DOCK4: variants seen among roughly 807,000 people sequenced by gnomAD.
DOCK4 encodes the protein dedicator of cytokinesis 4.
A neutral mutation model predicts 268.1 loss-of-function variants in DOCK4; 97 were observed. The observed-to-expected ratio is 0.36, with a 90% confidence interval of 0.31 to 0.43. The LOEUF is 0.43. Among genes scored for constraint, DOCK4 ranks in the 20% least tolerant of loss-of-function variants. DOCK4 has a pLI of 1.00. For synonymous variants in DOCK4, 954 were observed against 887.2 expected (o/e 1.08, Z -1.34); for missense variants, 2,145 against 2,455.7 (o/e 0.87, Z 2.67).
chr7:111,937,435 C>T (rs1794829442), intron 11 of DOCK4, among the ~76,000 whole-genome samples: 1 of 152,154 alleles, frequency 6.6e-6, no homozygotes, highest in Admixed American at 6.5e-5. Flanking sequence ...TATGGAAAAG[C>T]AGACAATAAA....
intron 24 of DOCK4, 114 bp from the exon 25 acceptor site, chr7:111,845,011 G>T: frequency 7.3e-7 from 1 of 1,373,260 alleles, no homozygotes; most frequent in Non-Finnish European, 9.8e-7. Flanking sequence ...TTTCACCTAA[G>T]TGAATGATCT....
At chr7:112,204,966 C>T (rs761419936) in intron 1 of DOCK4, among the ~76,000 whole-genome samples, 2 of 151,898 alleles carry the variant, frequency 1.3e-5, no homozygotes, top group Non-Finnish European at 2.9e-5. Context: ...TTAGTAAAAT[C>T]CATAATGCTT....
At chr7:111,741,299 G>T in intron 46 of DOCK4, 85 bp from the exon 47 acceptor site, 1 of 1,540,336 alleles carries the variant, frequency 6.5e-7, no homozygotes, top group South Asian at 1.2e-5. Flanking sequence ...AACCAAAGGG[G>T]GGAAAATACA....
At chr7:112,171,372 A>AT (rs200430212) in intron 1 of DOCK4, among the ~76,000 whole-genome samples, 5 of 151,798 alleles carry the variant, frequency 3.3e-5, no homozygotes, top group Admixed American at 6.6e-5. Flanking sequence ...ACCATGTCAT[A>AT]TTTTTTTTCA....
At chr7:112,184,758 T>C (rs914388285) in intron 1 of DOCK4, among the ~76,000 whole-genome samples, 3 of 151,034 alleles carry the variant, frequency 2.0e-5, no homozygotes, top group Non-Finnish European at 4.4e-5. Flanking sequence ...TTTCATTTTC[T>C]AGCAATAACA....
At chr7:111,741,961 A>G (rs1795947605) in intron 45 of DOCK4, 52 bp downstream of exon 45, 2 of 1,513,604 alleles carry the variant, frequency 1.3e-6, no homozygotes, top group African/African-American at 2.8e-5. Context: ...CCCTTTAACA[A>G]GCAAACGGCA....
chr7:111,888,221 T>C (rs1387907854), intron 16 of DOCK4, among the ~76,000 whole-genome samples: 1 of 148,532 alleles, frequency 6.7e-6, no homozygotes, highest in Non-Finnish European at 1.5e-5. Context: ...TCTGTCAGCA[T>C]TGCCCTCTCC....
At chr7:111,803,896 A>T (rs1036844589) in intron 30 of DOCK4, among the ~76,000 whole-genome samples, 1 of 152,214 alleles carries the variant, frequency 6.6e-6, no homozygotes, top group African/African-American at 2.4e-5. Context: ...TGCAAATGAG[A>T]TACCACCTCA....
intron 25 of DOCK4, chr7:111,840,706 C>T: frequency 2.3e-6 from 2 of 879,160 alleles, no homozygotes; most frequent in South Asian, 3.7e-5. Flanking sequence ...AATCATGGTG[C>T]TTACAGAGCA....
At position 112,132,591 on chromosome 7, in the gene DOCK4, GC is replaced by G. The variant is rs1813909548; in HGVS notation, c.37+73510del. 2.0e-5 allele frequency among the ~76,000 whole-genome samples: 3 copies of G among 150,594 alleles called. No homozygotes were observed. The South Asian group carries it at 6.6e-4, about 33-fold the overall frequency. ...AGAGACCAGGCATGCATACACACAA[GC>G]AAGGCAGTTAAGCAAATGCTTTAAT... On this transcript the variant is annotated intron_variant, in intron 1 of 52. Coordinates refer to ENST00000428084, the MANE Select transcript of DOCK4 (RefSeq NM_001363540.2).
chr7:111,886,804 GATTA>G (rs952717161), intron 16 of DOCK4, among the ~76,000 whole-genome samples: 3 of 152,134 alleles, frequency 2.0e-5, no homozygotes, highest in African/African-American at 7.2e-5. Context: ...ATTGTACCCA[GATTA>G]ATTTAGTTTT....
At chr7:111,834,341 C>G (rs556583955) in intron 26 of DOCK4, among the ~76,000 whole-genome samples, 1 of 152,178 alleles carries the variant, frequency 6.6e-6, no homozygotes, top group East Asian at 1.9e-4. Context: ...GTTTATTGAA[C>G]TTTGATGACA....
chr7:111,938,826 G>A (rs1416935916), intron 11 of DOCK4, among the ~76,000 whole-genome samples: 1 of 151,946 alleles, frequency 6.6e-6, no homozygotes, highest in Non-Finnish European at 1.5e-5. Context: ...GGAGAAATTT[G>A]TAGCCAGGCA....
In DOCK4 at chr7:111,783,289, T is replaced by A. The variant is rs139093193; in HGVS notation, c.3525-365A>T. ...TAGGGTGAGAAGTGGCTGGTAAGCC[T>A]GGCCATTAACAATGAGAATGAGGGT... On this transcript the variant is annotated intron_variant, in intron 34 of 52. Coordinates refer to ENST00000428084, the MANE Select transcript of DOCK4 (RefSeq NM_001363540.2). Among the ~76,000 whole-genome samples, 66 of 152,298 alleles carry A rather than the reference T, an allele frequency of 4.3e-4. No individual in the cohort carries two copies. In the East Asian group the frequency reaches 0.012, roughly 27 times the overall value.
chr7:111,986,364 T>C (rs534794632), intron 6 of DOCK4, among the ~76,000 whole-genome samples: 14 of 152,320 alleles, frequency 9.2e-5, no homozygotes, highest in African/African-American at 3.4e-4. Flanking sequence ...TCTCCCATAG[T>C]CTTGATTGTT....
intron 1 of DOCK4, among the ~76,000 whole-genome samples, chr7:112,068,670 AT>A (rs957561246): frequency 2.6e-4 from 40 of 152,338 alleles, no homozygotes; most frequent in African/African-American, 8.4e-4. Context: ...CTTCTCTGAT[AT>A]TCCCATCGGC....
At position 112,206,276 on chromosome 7, in the gene DOCK4, T is replaced by C. The variant is rs997095359; in HGVS notation, c.-138A>G. The C allele has an allele frequency of 1.0e-6, 1 of 962,478 alleles. No homozygotes were observed. Among genetic ancestry groups the C allele is most frequent in the East Asian group, 2.7e-5 (1 of 37,542 alleles). The allele number at this position is 962,478 out of a possible 1,614,324, so 59.6% of individuals were successfully genotyped here. A position where few individuals can be genotyped will look rare whatever the true frequency, so the allele number is the denominator to read the frequency against. On this transcript the variant is annotated 5_prime_UTR_variant, in exon 1 of 53. Coordinates refer to ENST00000428084, the MANE Select transcript of DOCK4 (RefSeq NM_001363540.2). ...CGCGGGCTGCGGGCGCTGGGCAGGATCTGCGCTGGAGGCTCCCGAGCCCAG... is the reference window on the plus strand; with the variant it reads ...CGCGGGCTGCGGGCGCTGGGCAGGACCTGCGCTGGAGGCTCCCGAGCCCAG...
intron 1 of DOCK4, among the ~76,000 whole-genome samples, chr7:112,195,551 G>T (rs1419782256): frequency 6.6e-6 from 1 of 152,030 alleles, no homozygotes; most frequent in Non-Finnish European, 1.5e-5. Flanking sequence ...ATGGAGAACA[G>T]GTTCTCTCCT....
intron 1 of DOCK4, among the ~76,000 whole-genome samples, chr7:112,165,421 C>G (rs1817505994): frequency 6.6e-6 from 1 of 151,926 alleles, no homozygotes; most frequent in Non-Finnish European, 1.5e-5. Context: ...CGGAATCTGT[C>G]TTTCTGTGCC....
Sources: allele counts gnomAD v4.1 joint callset (sites outside exome capture counted in the v4.1 genomes callset), GRCh38; gene constraint gnomAD v4.1.1; transcripts MANE v1.5; gene names NCBI Gene and HGNC (gene_info 2026-07-23, HGNC 2026-07-21).